ATXN1: variants seen among roughly 807,000 people sequenced by gnomAD.
The protein encoded by ATXN1 is ataxin 1.
A neutral mutation model predicts 56.4 loss-of-function variants in ATXN1; 8 were observed. The observed-to-expected ratio is 0.14, with a 90% CI of 0.08 to 0.26. The LOEUF (loss-of-function observed/expected upper bound fraction) is 0.26, where lower values mean the gene tolerates loss of function less well. ATXN1 is among the 10% of genes least tolerant of loss of function. ATXN1 has a pLI of 1.00. For missense variants in ATXN1, 987 were observed against 1,106.5 expected (o/e 0.89, Z 1.53); for synonymous variants, 514 against 494.6 (o/e 1.04, Z -0.52).
At chr6:16,532,700 A>G (rs1761528470) in intron 4 of ATXN1, among the ~76,000 whole-genome samples, 1 of 152,212 alleles carries the variant, frequency 6.6e-6, no homozygotes, top group South Asian at 2.1e-4. Flanking sequence ...GCTCTGATTA[A>G]CAACAAAAAA....
intron 6 of ATXN1, among the ~76,000 whole-genome samples, chr6:16,393,011 C>T (rs1194960978): frequency 1.3e-5 from 2 of 152,194 alleles, no homozygotes; most frequent in African/African-American, 4.8e-5. Flanking sequence ...TTAATGTAAA[C>T]ACACCAAAAT....
At chr6:16,552,376 C>G (rs967175550) in intron 4 of ATXN1, among the ~76,000 whole-genome samples, 2 of 152,168 alleles carry the variant, frequency 1.3e-5, no homozygotes, top group African/African-American at 2.4e-5. Context: ...ACTCCTTTAA[C>G]AGGAGTAAAG....
chr6:16,756,295 C>T (rs1173165062), intron 1 of ATXN1, among the ~76,000 whole-genome samples: 2 of 152,072 alleles, frequency 1.3e-5, no homozygotes, highest in Non-Finnish European at 2.9e-5. Context: ...TTCTGTAAAA[C>T]TGACACTGTA....
rs143862420 is a variant in ATXN1, at chr6:16,465,074, A to T, written c.-161+20898T>A. Among the ~76,000 whole-genome samples the T allele has an allele frequency of 3.9e-5, 6 of 152,356 alleles. No homozygotes were observed. The East Asian group carries it at 1.2e-3, about 29-fold the overall frequency. On this transcript the variant is annotated intron_variant, in intron 6 of 7. Transcript: ENST00000436367. ...TATAAAAAAGCCTATTAATTAAAAA[A>T]CAAAAACAACAACAACACTGCACTG... is the stretch of plus-strand genomic sequence containing the variant.
intron 3 of ATXN1, among the ~76,000 whole-genome samples, chr6:16,602,704 C>A (rs2113781818): frequency 6.6e-6 from 1 of 152,306 alleles, no homozygotes; most frequent in South Asian, 2.1e-4. Context: ...CCCGCTTCGG[C>A]CTCCCAAAGT....
chr6:16,396,301 T>C (rs113460989), intron 6 of ATXN1, among the ~76,000 whole-genome samples: 2,034 of 152,024 alleles, frequency 0.013, 37 homozygotes, highest in African/African-American at 0.044. Context: ...GCTTATAAAC[T>C]GGATGTGGTG....
chr6:16,513,466 A>T (rs538510735), intron 5 of ATXN1, among the ~76,000 whole-genome samples: 84 of 152,340 alleles, frequency 5.5e-4, no homozygotes, highest in African/African-American at 2.0e-3. Flanking sequence ...TTTCCCTGTA[A>T]CACAATACAT....
At chr6:16,606,598 G>A (rs1016234160) in intron 3 of ATXN1, among the ~76,000 whole-genome samples, 4 of 151,410 alleles carry the variant, frequency 2.6e-5, no homozygotes, top group Admixed American at 6.6e-5. Context: ...GTGCGATCTC[G>A]GCTCACTGTG....
chr6:16,402,617 C>T (rs1758600984), intron 6 of ATXN1, among the ~76,000 whole-genome samples: 1 of 152,156 alleles, frequency 6.6e-6, no homozygotes, highest in Admixed American at 6.5e-5. Context: ...TTAGCTGGAA[C>T]AAATGATGAA....
intron 4 of ATXN1, among the ~76,000 whole-genome samples, chr6:16,554,584 T>C (rs531387471): frequency 5.3e-5 from 8 of 152,346 alleles, no homozygotes; most frequent in Admixed American, 2.0e-4. Flanking sequence ...CCTGAGTAGC[T>C]GAGATTACAG....
rs190618586 is a variant in ATXN1 at position 16,687,033 on chromosome 6, A to T, written c.-614-29132T>A. On this transcript the variant is annotated intron_variant, in intron 2 of 7. Transcript: ENST00000436367. ...GAACAATCAGAGTGCACTACTCCAT[A>T]TGCTCAGAGAATTCAGGATGAACTC... Among the ~76,000 whole-genome samples the T allele has an allele frequency of 1.2e-3, 176 of 152,334 alleles. 2 individuals carry two copies. The highest frequency in any genetic ancestry group is 3.8e-3 in the African/African-American group (157 of 41,578).
chr6:16,396,153 C>A (rs188357697), intron 6 of ATXN1, among the ~76,000 whole-genome samples: 1 of 150,838 alleles, frequency 6.6e-6, no homozygotes, highest in Non-Finnish European at 1.5e-5. Context: ...GAAGACCTTA[C>A]AGATGGAAAA....
intron 3 of ATXN1, among the ~76,000 whole-genome samples, chr6:16,638,603 T>C (rs555662381): frequency 6.6e-6 from 1 of 152,310 alleles, no homozygotes; most frequent in South Asian, 2.1e-4. Flanking sequence ...CACATCACAG[T>C]GGTGGGAACA....
chr6:16,322,374 C>T (rs779579119), intron 7 of ATXN1, among the ~76,000 whole-genome samples: 16 of 152,134 alleles, frequency 1.1e-4, no homozygotes, highest in Non-Finnish European at 2.2e-4. Context: ...CACCACCATA[C>T]TATATCACAC....
intron 2 of ATXN1, among the ~76,000 whole-genome samples, chr6:16,667,960 C>T (rs966415307): frequency 1.3e-5 from 2 of 152,208 alleles, no homozygotes; most frequent in African/African-American, 4.8e-5. Flanking sequence ...GGCCAGGACT[C>T]CCATCAAGGT....
At chr6:16,486,579 A>G (rs1760549461) in intron 5 of ATXN1, among the ~76,000 whole-genome samples, 2 of 152,188 alleles carry the variant, frequency 1.3e-5, no homozygotes, top group Non-Finnish European at 2.9e-5. Flanking sequence ...TGGAGCCAGA[A>G]TACAAAAGCC....
intron 2 of ATXN1, among the ~76,000 whole-genome samples, chr6:16,669,788 G>A (rs1300958327): frequency 6.6e-6 from 1 of 150,872 alleles, no homozygotes; most frequent in Admixed American, 6.6e-5. Context: ...CGTCATCTAG[G>A]TTTTAAGCCC....
In ATXN1 at chr6:16,555,545, T is replaced by C. The variant is rs1761995299; in HGVS notation, c.-361+30235A>G. ...CACCCACCCAGAGCCCAGTGGTTCC[T>C]ACAATCGGAAAATCACATAAAAGAA... On this transcript the variant is annotated intron_variant, in intron 4 of 7. Transcript: ENST00000436367. Among the ~76,000 whole-genome samples the C allele has an allele frequency of 2.6e-5, 4 of 152,284 alleles. No individual in the cohort carries two copies. In the South Asian group the frequency reaches 8.3e-4, roughly 32 times the overall value.
chr6:16,554,710 T>C (rs1339255784), intron 4 of ATXN1, among the ~76,000 whole-genome samples: 3 of 152,290 alleles, frequency 2.0e-5, no homozygotes, highest in African/African-American at 7.2e-5. Flanking sequence ...CACCTCAGCG[T>C]CCCAAAGTGC....
Sources: gnomAD v4.1 joint callset for allele counts (sites outside exome capture counted in the v4.1 genomes callset) on GRCh38, gnomAD v4.1.1 for gene constraint, MANE v1.5 for transcripts, NCBI Gene and HGNC (gene_info 2026-07-23, HGNC 2026-07-21) for gene names.